KANK1: variants seen among roughly 807,000 people sequenced by gnomAD.
KANK1 encodes KN motif and ankyrin repeat domains 1.
Under a neutral mutation model 106.2 loss-of-function variants are expected in KANK1, and 109 were observed. The observed-to-expected ratio is 1.03, with a 90% CI of 0.88 to 1.20. The LOEUF (loss-of-function observed/expected upper bound fraction) is 1.20. Ranked by LOEUF, KANK1 falls within the 50% of genes most tolerant of loss-of-function variation. The probability of loss-of-function intolerance (pLI) is 0.00; values close to 1 mark genes in which losing one functional copy is unlikely to be tolerated. For missense variants in KANK1, 2,399 were observed against 1,710.7 expected (o/e 1.40, Z -7.10); for synonymous variants, 873 against 652.2 (o/e 1.34, Z -5.16).
At chr9:576,251 T>G (rs1355881967) in intron 1 of KANK1, among the ~76,000 whole-genome samples, 1 of 152,216 alleles carries the variant, frequency 6.6e-6, no homozygotes, top group Non-Finnish European at 1.5e-5. Flanking sequence ...CATCCTTTTA[T>G]AATTTTATGA....
chr9:704,778 C>G (rs1409907562), intron 2 of KANK1, among the ~76,000 whole-genome samples: 1 of 151,818 alleles, frequency 6.6e-6, no homozygotes, highest in East Asian at 1.9e-4. Flanking sequence ...GCCAGGAGTT[C>G]AAGACCAGCC....
intron 1 of KANK1, among the ~76,000 whole-genome samples, chr9:572,932 C>A (rs1819582521): frequency 6.6e-6 from 1 of 152,146 alleles, no homozygotes; most frequent in Non-Finnish European, 1.5e-5. Context: ...TCATACTTTG[C>A]AGTCTCATTA....
chr9:530,688 A>T (rs968327343), intron 1 of KANK1, among the ~76,000 whole-genome samples: 1 of 152,222 alleles, frequency 6.6e-6, no homozygotes, highest in Non-Finnish European at 1.5e-5. Context: ...TTGTAGTGGT[A>T]TTTAAAAATG....
chr9:619,745 A>T (rs1322398331), intron 1 of KANK1, among the ~76,000 whole-genome samples: 1 of 152,178 alleles, frequency 6.6e-6, no homozygotes, highest in Non-Finnish European at 1.5e-5. Flanking sequence ...AGATGTTGAA[A>T]CATTAAAATA....
At chr9:633,222 C>T (rs1464669618) in intron 1 of KANK1, among the ~76,000 whole-genome samples, 4 of 152,022 alleles carry the variant, frequency 2.6e-5, no homozygotes, top group Non-Finnish European at 4.4e-5. Context: ...CTTTGAGAGC[C>T]GAGGCGGGCA....
Position 745,305 on chromosome 9 carries a change from T to C in KANK1, c.*70T>C, listed in dbSNP as rs1427743552. 13 of 1,578,256 alleles carry C rather than the reference T, an allele frequency of 8.2e-6. No homozygotes were observed. The Admixed American group carries it at 2.2e-4, about 26-fold the overall frequency. ...TAATTGTTCCTGTTGGGGTGACAGA[T>C]ACTGAATGTATACGTATTGTGCCTG... On this transcript the variant is annotated 3_prime_UTR_variant, in exon 12 of 12. Coordinates refer to ENST00000382297, the MANE Select transcript of KANK1 (RefSeq NM_015158.5).
intron 2 of KANK1, among the ~76,000 whole-genome samples, chr9:700,604 CTG>C (rs1822429057): frequency 6.6e-6 from 1 of 152,154 alleles, no homozygotes; most frequent in Non-Finnish European, 1.5e-5. Context: ...TGCTTACACT[CTG>C]GGGCTTTTAA....
intron 1 of KANK1, among the ~76,000 whole-genome samples, chr9:604,865 C>G (rs1828694351): frequency 6.6e-6 from 1 of 151,714 alleles, no homozygotes; most frequent in African/African-American, 2.4e-5. Flanking sequence ...TAAGGCTTCC[C>G]CAGCCATGCA....
intron 1 of KANK1, among the ~76,000 whole-genome samples, chr9:533,750 A>G (rs2060169970): frequency 6.6e-6 from 1 of 152,214 alleles, no homozygotes; most frequent in African/African-American, 2.4e-5. Context: ...TGCAAAGGTC[A>G]TGGGAGCTTT....
At chr9:583,040 G>A (rs1822563329) in intron 1 of KANK1, among the ~76,000 whole-genome samples, 1 of 152,164 alleles carries the variant, frequency 6.6e-6, no homozygotes, top group African/African-American at 2.4e-5. Flanking sequence ...TAGAGGAAGG[G>A]GAAGAAGAGA....
rs1050766131 is a variant in KANK1 at position 711,164 on chromosome 9, C to A, written c.398C>A (p.Thr133Asn). The A allele has an allele frequency of 3.1e-6, 5 of 1,614,080 alleles. No individual in the cohort carries two copies. Among genetic ancestry groups the A allele is most frequent in the African/African-American group, 1.3e-5 (1 of 74,916 alleles). The change falls in exon 3 of 12, where the codon ACC (threonine) becomes AAC (asparagine). Residue 133 changes from threonine (T) to asparagine (N), a missense_variant. Transcript: ENST00000382297. ...CTGGAGACCTCACTCCCTTTTCTTA[C>A]CATCCCAGAAAATCGACAGCTGCCA... The part of the protein sequence containing the change: ...PPLETSLPFL[T>N]IPENRQLPPP...
At chr9:517,008 C>T (rs1054093203) in intron 1 of KANK1, among the ~76,000 whole-genome samples, 2 of 151,402 alleles carry the variant, frequency 1.3e-5, no homozygotes, top group Non-Finnish European at 2.9e-5. Flanking sequence ...TACACACACA[C>T]ACACACACAC....
intron 2 of KANK1, among the ~76,000 whole-genome samples, chr9:695,617 G>GT (rs1821067724): frequency 6.7e-6 from 1 of 148,360 alleles, no homozygotes; most frequent in African/African-American, 2.5e-5. Context: ...GTGGGGGGGG[G>GT]GGCAAGGTAT....
chr9:588,600 G>C (rs930675078), intron 1 of KANK1, among the ~76,000 whole-genome samples: 1 of 151,934 alleles, frequency 6.6e-6, no homozygotes, highest in South Asian at 2.1e-4. Flanking sequence ...AAAAGTGTTT[G>C]TTTTTAAAAA....
At chr9:613,043 A>C (rs1830943132) in intron 1 of KANK1, among the ~76,000 whole-genome samples, 1 of 152,116 alleles carries the variant, frequency 6.6e-6, no homozygotes, top group South Asian at 2.1e-4. Context: ...GAGTGGGTGA[A>C]GATATTGGGA....
At chr9:542,222 G>C (rs148278558) in intron 1 of KANK1, among the ~76,000 whole-genome samples, 1 of 152,272 alleles carries the variant, frequency 6.6e-6, no homozygotes, top group East Asian at 1.9e-4. Flanking sequence ...TGAGTGGCCA[G>C]ATGCAGTGGC....
Position 742,278 on chromosome 9 carries a change from G to C in KANK1, c.3770G>C (p.Gly1257Ala), listed in dbSNP as rs1233083574. 4 of 1,614,194 alleles carry C rather than the reference G, an allele frequency of 2.5e-6. No homozygotes were observed. Among genetic ancestry groups the C allele is most frequent in the Middle Eastern group, 1.6e-4 (1 of 6,062 alleles). The change falls in exon 10 of 12, where the codon GGG becomes GCG. Residue 1257 changes from glycine (G) to alanine (A), a missense_variant. Gly to Ala is a moderately conservative substitution (Grantham distance 60). Transcript: ENST00000382297. ...IDMVKGLLAC[G>A]ADVNIQDDEG... Reference sequence around the variant, plus strand: ...ATGGTGAAGGGCCTTCTGGCCTGTGGGGCTGATGTCAACATCCAGGATGAC... The same window carrying C: ...ATGGTGAAGGGCCTTCTGGCCTGTGCGGCTGATGTCAACATCCAGGATGAC...
chr9:539,331 C>T (rs1277841392), intron 1 of KANK1, among the ~76,000 whole-genome samples: 1 of 152,198 alleles, frequency 6.6e-6, no homozygotes, highest in African/African-American at 2.4e-5. Flanking sequence ...CTGTAGGTCA[C>T]TTCGGGGAGT....
At chr9:693,803 A>C in intron 2 of KANK1, 1 of 985,372 alleles carries the variant, frequency 1.0e-6, no homozygotes, top group Non-Finnish European at 1.2e-6. Context: ...AAGAATGCCC[A>C]CAAAAGAAAG....
Sources: gnomAD v4.1 joint callset for allele counts (sites outside exome capture counted in the v4.1 genomes callset) on GRCh38, gnomAD v4.1.1 for gene constraint, MANE v1.5 for transcripts, NCBI Gene and HGNC (gene_info 2026-07-23, HGNC 2026-07-21) for gene names.